HIRA: variants seen among roughly 807,000 people sequenced by gnomAD.
HIRA encodes the protein histone cell cycle regulator.
A neutral mutation model predicts 126.6 loss-of-function variants in HIRA; 13 were observed. The ratio of observed to expected loss-of-function variants is 0.10; its 90% CI spans 0.07 to 0.16. The LOEUF is 0.16. HIRA is among the 10% of genes least tolerant of loss of function. The pLI, the probability that HIRA is intolerant of heterozygous loss-of-function variation, is 1.00. For synonymous variants in HIRA, 511 were observed against 520.0 expected, an observed-to-expected ratio of 0.98 and a Z score of 0.24; for missense variants, 834 against 1,314.4, an observed-to-expected ratio of 0.63 and a Z score of 5.65.
chr22:19,431,414 C>A, intron 1 of HIRA, 26 bp downstream of exon 1: 1 of 1,607,430 alleles, frequency 6.2e-7, no homozygotes, highest in Middle Eastern at 1.7e-4. Context: ...CGGGCTCGGC[C>A]TCCCGCGACC....
At chr22:19,396,990 A>T (rs757409988) in intron 6 of HIRA, 43 bp from the exon 7 acceptor site, 1 of 1,588,344 alleles carries the variant, frequency 6.3e-7, no homozygotes, top group Non-Finnish European at 8.6e-7. Flanking sequence ...GTCTGAGGGA[A>T]ACATGACCTG....
At chr22:19,422,171 TAC>T (rs763716204) in intron 1 of HIRA, among the ~76,000 whole-genome samples, 29 of 143,166 alleles carry the variant, frequency 2.0e-4, no homozygotes, top group South Asian at 4.6e-4. Flanking sequence ...TGTTTATATA[TAC>T]ACACACACAC....
intron 15 of HIRA, among the ~76,000 whole-genome samples, chr22:19,362,897 C>A (rs1376989555): frequency 6.6e-6 from 1 of 151,108 alleles, no homozygotes; most frequent in Non-Finnish European, 1.5e-5. Context: ...CAGCTAAAAC[C>A]AGAGAAGGCA....
intron 11 of HIRA, among the ~76,000 whole-genome samples, chr22:19,386,376 T>C (rs1016695255): frequency 1.1e-4 from 16 of 152,188 alleles, no homozygotes; most frequent in Non-Finnish European, 1.0e-4. Flanking sequence ...CAGCACACTG[T>C]AGTGACTGCT....
Position 19,332,690 on chromosome 22 carries a change from G to A in HIRA, c.2938-1134C>T, listed in dbSNP as rs1437833717. ...ATTCAGCAAAAGTGGGCACTTTAGA[G>A]GCATTTAGAAACAACAGCTTATACT... On this transcript the variant is annotated intron_variant, in intron 24 of 24. Coordinates refer to ENST00000263208, the MANE Select transcript of HIRA (RefSeq NM_003325.4). 2.0e-5 allele frequency among the ~76,000 whole-genome samples: 3 copies of A among 149,580 alleles called. No individual in the cohort carries two copies. In the East Asian group the frequency reaches 5.8e-4, roughly 29 times the overall value.
chr22:19,416,032 T>A (rs1569312537), intron 1 of HIRA, among the ~76,000 whole-genome samples: 1 of 152,196 alleles, frequency 6.6e-6, no homozygotes, highest in Admixed American at 6.5e-5. Context: ...AGTACAGGCA[T>A]AGACAGACAC....
Position 19,385,719 on chromosome 22 carries a change from G to C in HIRA, c.1131C>G (p.Ser377=), listed in dbSNP as rs375823598. The part of the protein sequence containing the change: ...SEEEKSRIHQ[S]TYGKSLAIMT... ...TGATGGCTAGGCTCTTGCCATAGGTGGACTGGTGAATGCGGCTCTGGGGAA... is the reference window on the plus strand; with the variant it reads ...TGATGGCTAGGCTCTTGCCATAGGTCGACTGGTGAATGCGGCTCTGGGGAA... The change falls in exon 12 of 25, where the codon TCC becomes TCG. Residue 377 remains serine (S), a synonymous_variant. Coordinates refer to ENST00000263208, the MANE Select transcript of HIRA (RefSeq NM_003325.4). The C allele has an allele frequency of 2.9e-5, 46 of 1,613,686 alleles. No homozygotes were observed. The highest frequency in any genetic ancestry group is 1.2e-4 in the Admixed American group (7 of 59,960).
intron 24 of HIRA, among the ~76,000 whole-genome samples, chr22:19,331,760 G>A (rs2088490374): frequency 1.3e-5 from 2 of 152,220 alleles, no homozygotes; most frequent in Admixed American, 1.3e-4. Flanking sequence ...ACAGTGTGGG[G>A]ATAAAGGAGG....
intron 1 of HIRA, among the ~76,000 whole-genome samples, chr22:19,420,304 CA>C (rs1249567023): frequency 2.0e-5 from 3 of 151,318 alleles, no homozygotes; most frequent in African/African-American, 7.3e-5. Flanking sequence ...AAATTAAAAA[CA>C]AAAAACAAAA....
chr22:19,375,312 C>T (rs1406126773), intron 15 of HIRA, among the ~76,000 whole-genome samples: 1 of 152,150 alleles, frequency 6.6e-6, no homozygotes, highest in African/African-American at 2.4e-5. Flanking sequence ...TGCTCTCTTC[C>T]GTGCAAACTC....
intron 1 of HIRA, among the ~76,000 whole-genome samples, chr22:19,426,295 A>G (rs1172035615): frequency 6.6e-6 from 1 of 152,148 alleles, no homozygotes; most frequent in East Asian, 1.9e-4. Context: ...CCTAACCCCA[A>G]GAAGGAAGTT....
chr22:19,395,156 C>T (rs1013413240), intron 7 of HIRA, among the ~76,000 whole-genome samples: 2 of 152,194 alleles, frequency 1.3e-5, no homozygotes, highest in Non-Finnish European at 2.9e-5. Flanking sequence ...CATTATCCCT[C>T]CTGCAAAAAG....
At chr22:19,424,603 T>C (rs1170917932) in intron 1 of HIRA, among the ~76,000 whole-genome samples, 4 of 152,046 alleles carry the variant, frequency 2.6e-5, no homozygotes, top group African/African-American at 9.7e-5. Context: ...GGCCTGAAGC[T>C]CTCCAGGACG....
At chr22:19,357,517 C>T (rs1327217482) in intron 18 of HIRA, among the ~76,000 whole-genome samples, 2 of 152,216 alleles carry the variant, frequency 1.3e-5, no homozygotes, top group African/African-American at 4.8e-5. Context: ...GGCTGTCTGG[C>T]TGGCGTGGGA....
chr22:19,387,972 C>CGG (rs1239558796), intron 10 of HIRA, among the ~76,000 whole-genome samples, 156 bp from the exon 11 acceptor site: 4 of 36,838 alleles, frequency 1.1e-4, no homozygotes, highest in African/African-American at 3.3e-4. Context: ...TTGGCCTGGG[C>CGG]GGGGGGGGGA....
chr22:19,360,713 G>A (rs1372244503), intron 17 of HIRA, among the ~76,000 whole-genome samples: 1 of 152,232 alleles, frequency 6.6e-6, no homozygotes, highest in Non-Finnish European at 1.5e-5. Flanking sequence ...TGACCAGGAG[G>A]GCTCTGGGTA....
At chr22:19,355,044 A>G (rs1293650495) in intron 21 of HIRA, among the ~76,000 whole-genome samples, 1 of 152,108 alleles carries the variant, frequency 6.6e-6, no homozygotes, top group Non-Finnish European at 1.5e-5. Flanking sequence ...CTGGGATTAC[A>G]GGTGTGAGCC....
chr22:19,414,633 G>C (rs1222316420), intron 1 of HIRA, among the ~76,000 whole-genome samples: 1 of 152,226 alleles, frequency 6.6e-6, no homozygotes, highest in South Asian at 2.1e-4. Context: ...CTGCCCAATA[G>C]AACTTGGTTT....
chr22:19,349,291 C>T (rs1447363312), intron 24 of HIRA, among the ~76,000 whole-genome samples: 2 of 151,656 alleles, frequency 1.3e-5, no homozygotes, highest in Non-Finnish European at 2.9e-5. Context: ...TTAGTAGAGA[C>T]GGGATTTCAG....
Sources: gnomAD v4.1 joint callset for allele counts (sites outside exome capture counted in the v4.1 genomes callset) on GRCh38, gnomAD v4.1.1 for gene constraint, MANE v1.5 for transcripts, NCBI Gene and HGNC (gene_info 2026-07-23, HGNC 2026-07-21) for gene names.